The following ZBTB43 variants were observed in gnomAD, a reference collection of about 807,000 sequenced individuals.
ZBTB43 encodes zinc finger and BTB domain containing 43, also known as zinc finger and BTB domain-containing protein 43.
In ZBTB43, 6 loss-of-function variants were observed where a neutral mutation model predicts 31.1. The ratio of observed to expected loss-of-function variants is 0.19; its 90% CI spans 0.11 to 0.38. ZBTB43 has a LOEUF of 0.38. Ranked by LOEUF, ZBTB43 falls within the 10% of genes least tolerant of loss-of-function variation. The pLI is 1.00. For synonymous variants in ZBTB43, 212 were observed against 221.7 expected, an observed-to-expected ratio of 0.96 and a Z score of 0.39; for missense variants, 379 against 602.1, an observed-to-expected ratio of 0.63 and a Z score of 3.88.
chr9:126,808,377 A>G (rs1179324692), intron 1 of ZBTB43, among the ~76,000 whole-genome samples: 1 of 152,110 alleles, frequency 6.6e-6, no homozygotes, highest in African/African-American at 2.4e-5. Context: ...GTTTTTACTA[A>G]GTGATTTGGC....
In ZBTB43 at chr9:126,833,253, C is replaced by G. The variant is rs1249449424; in HGVS notation, c.744C>G (p.Pro248=). 4 of 1,613,636 alleles carry G rather than the reference C, an allele frequency of 2.5e-6. No homozygotes were observed. The South Asian group carries it at 3.3e-5, about 13-fold the overall frequency. The change falls in exon 3 of 3, where the codon CCC becomes CCG. Residue 248 remains proline (P), a synonymous_variant. Transcript: ENST00000373464. The surrounding 1 kb of genome is among the most constrained non-coding windows in gnomAD (Gnocchi z 7.9). ...ACAAACGCTGGATCCACGTGAAGCC[C>G]GAGCGCTTAGAACAGGCTTGCGAGG... ...MAHKRWIHVK[P]ERLEQACEGM...
upstream of ZBTB43, among the ~76,000 whole-genome samples, chr9:126,804,381 A>C (rs1046678700): frequency 1.3e-5 from 2 of 152,234 alleles, no homozygotes; most frequent in African/African-American, 2.4e-5. Context: ...CTGTGAAGGC[A>C]GAAACGGATT....
At chr9:126,821,538 TAAGTG>T (rs2032508891) in intron 2 of ZBTB43, among the ~76,000 whole-genome samples, 1 of 152,122 alleles carries the variant, frequency 6.6e-6, no homozygotes, top group African/African-American at 2.4e-5. Context: ...GCTCAAGACT[TAAGTG>T]GAGGAATTAA....
intron 2 of ZBTB43, among the ~76,000 whole-genome samples, chr9:126,814,223 G>A (rs1332711770): frequency 5.5e-5 from 2 of 36,222 alleles, no homozygotes; most frequent in Non-Finnish European, 1.1e-4. Flanking sequence ...AAACTTCATT[G>A]TGAATTATAG....
Position 126,833,755 on chromosome 9 carries a change from G to C in ZBTB43, c.1246G>C (p.Val416Leu). 6.2e-7 allele frequency: 1 copy of C among 1,611,150 alleles called. No homozygotes were observed. Among genetic ancestry groups the C allele is most frequent in the Non-Finnish European group, 8.5e-7 (1 of 1,177,498 alleles). The part of the protein sequence containing the change: ...GKKFKMKHHL[V>L]GHMKIHTGIK... Reference sequence around the variant, plus strand: ...GAAATTCAAAATGAAGCACCATCTCGTGGGCCACATGAAAATTCACACAGG... The same window carrying C: ...GAAATTCAAAATGAAGCACCATCTCCTGGGCCACATGAAAATTCACACAGG... Residue 416 changes from valine to leucine, a missense_variant, in exon 3 of 3, where the codon GTG (valine) becomes CTG (leucine). This residue lies in a region of ZBTB43 where 23 missense variants were observed against 105.1 expected (regional missense o/e 0.22). Transcript: ENST00000373464. The surrounding 1 kb of genome is among the most constrained non-coding windows in gnomAD (Gnocchi z 7.9).
At chr9:126,804,151 C>T (rs1043085744), upstream of ZBTB43, among the ~76,000 whole-genome samples, 4 of 152,154 alleles carry the variant, frequency 2.6e-5, no homozygotes, top group African/African-American at 9.7e-5. Flanking sequence ...AGACCTATCT[C>T]TCTTCTACAC....
chr9:126,832,382 T>C, intron 2 of ZBTB43, 105 bp from the exon 3 acceptor site: 2 of 1,106,834 alleles, frequency 1.8e-6, no homozygotes, highest in Non-Finnish European at 2.5e-6. Context: ...GCCCATAGGC[T>C]AGAGGACTTT....
At chr9:126,808,489 A>G (rs1409114416) in intron 1 of ZBTB43, among the ~76,000 whole-genome samples, 3 of 152,264 alleles carry the variant, frequency 2.0e-5, no homozygotes, top group African/African-American at 2.4e-5. Flanking sequence ...GCAAAATTAC[A>G]TAGTCATTGA....
In ZBTB43 at chr9:126,832,851, T is replaced by C. The variant is rs763083307; in HGVS notation, c.342T>C (p.His114=). ...CGGCAAGCTTCCTCCAGATGTGGCATGTGGTAGACAAATGCACTGAAGTTT... is the reference window on the plus strand; with the variant it reads ...CGGCAAGCTTCCTCCAGATGTGGCACGTGGTAGACAAATGCACTGAAGTTT... ...LTAASFLQMW[H]VVDKCTEVLE... The change falls in exon 3 of 3, where the codon CAT becomes CAC. Residue 114 remains histidine, a synonymous_variant. Coordinates refer to ENST00000373464, the MANE Select transcript of ZBTB43 (RefSeq NM_014007.4). 1.9e-6 allele frequency: 3 copies of C among 1,614,058 alleles called. No homozygotes were observed. Among genetic ancestry groups the C allele is most frequent in the South Asian group, 1.1e-5 (1 of 91,076 alleles).
chr9:126,828,652 A>T (rs2032701548), intron 2 of ZBTB43, among the ~76,000 whole-genome samples: 1 of 140,194 alleles, frequency 7.1e-6, no homozygotes, highest in African/African-American at 2.7e-5. Flanking sequence ...AATAATAATA[A>T]TAATTATTAT....
At chr9:126,829,684 A>T (rs1234066053) in intron 2 of ZBTB43, among the ~76,000 whole-genome samples, 5 of 92,178 alleles carry the variant, frequency 5.4e-5, no homozygotes, top group African/African-American at 2.1e-4. Context: ...GGAATAAATG[A>T]TGGGAGAGAT....
At chr9:126,830,681 A>G (rs185102262) in intron 2 of ZBTB43, among the ~76,000 whole-genome samples, 4 of 152,122 alleles carry the variant, frequency 2.6e-5, no homozygotes, top group East Asian at 1.9e-4. Context: ...TAATTTAGCA[A>G]TGTTTGGATG....
chr9:126,815,610 T>A (rs2032365955), intron 2 of ZBTB43, among the ~76,000 whole-genome samples: 1 of 151,612 alleles, frequency 6.6e-6, no homozygotes, highest in Admixed American at 6.6e-5. Flanking sequence ...CAATGTATGT[T>A]TGTTTTTTAA....
chr9:126,832,139 A>T lies in ZBTB43; in HGVS notation c.-23-348A>T, dbSNP rs866012850. On this transcript the variant is annotated intron_variant, in intron 2 of 2. Coordinates refer to ENST00000373464, the MANE Select transcript of ZBTB43 (RefSeq NM_014007.4). The stretch of plus-strand genomic sequence containing the variant: ...AAGACCCCATCTCGTTTAAAAAAAA[A>T]TTATATTATTTGAATGGGTATCTTG... 3 of 188,526 alleles carry T rather than the reference A, an allele frequency of 1.6e-5. No individual in the cohort carries two copies. The South Asian group carries it at 3.4e-4, about 21-fold the overall frequency. 11.7% of individuals were successfully genotyped at this position (188,526 alleles called of 1,614,324 possible).
chr9:126,817,839 C>T (rs1415980449), intron 2 of ZBTB43, among the ~76,000 whole-genome samples: 3 of 152,098 alleles, frequency 2.0e-5, no homozygotes, highest in African/African-American at 7.2e-5. Flanking sequence ...ACTGAAACAA[C>T]AGCTATACTC....
At chr9:126,815,429 A>C (rs1159466945) in intron 2 of ZBTB43, among the ~76,000 whole-genome samples, 1 of 149,948 alleles carries the variant, frequency 6.7e-6, no homozygotes, top group East Asian at 1.9e-4. Context: ...CCCCACAACA[A>C]TCATGTCTAC....
chr9:126,834,609 T>G lies in ZBTB43; in HGVS notation c.*696T>G, dbSNP rs1276317753. The G allele has an allele frequency of 6.0e-6, 1 of 167,010 alleles. No individual in the cohort carries two copies. The highest frequency in any genetic ancestry group is 2.4e-5 in the African/African-American group (1 of 41,464). The allele number at this position is 167,010 out of a possible 1,614,324, so 10.3% of individuals were successfully genotyped here. ...TCAGACTCTTGATAAGGCAGTGTTT[T>G]GTATTTTAGTTCTAACATTGAGTTT... On this transcript the variant is annotated 3_prime_UTR_variant, in exon 3 of 3. Transcript: ENST00000373464.
chr9:126,817,944 T>A (rs1166262523), intron 2 of ZBTB43, among the ~76,000 whole-genome samples: 1 of 152,154 alleles, frequency 6.6e-6, no homozygotes, highest in African/African-American at 2.4e-5. Flanking sequence ...AATGCCATAT[T>A]CACCCAAAGT....
Position 126,832,725 on chromosome 9 carries a change from G to A in ZBTB43, c.216G>A (p.Leu72=), listed in dbSNP as rs2032789648. 1 of 1,614,028 alleles carries A rather than the reference G, an allele frequency of 6.2e-7. No homozygotes were observed. Reference sequence around the variant, plus strand: ...TGAAAAACAGCAGGAGAATTGTTTTGCCTGATGTGATGAACCCAAGAGTGT... The same window carrying A: ...TGAAAAACAGCAGGAGAATTGTTTTACCTGATGTGATGAACCCAAGAGTGT... ...VLLKNSRRIV[L]PDVMNPRVFE... The change falls in exon 3 of 3, where the codon TTG becomes TTA. Residue 72 remains leucine, a synonymous_variant. Coordinates refer to ENST00000373464, the MANE Select transcript of ZBTB43 (RefSeq NM_014007.4).
Sources: gnomAD v4.1 joint callset for allele counts (sites outside exome capture counted in the v4.1 genomes callset) on GRCh38, gnomAD v4.1.1 for gene constraint, gnomAD v4.1.1 regional missense constraint, Gnocchi (gnomAD v3.1) non-coding constraint, MANE v1.5 for transcripts, NCBI Gene and HGNC (gene_info 2026-07-23, HGNC 2026-07-21) for gene names.